The following ACP7 variants were observed in gnomAD, a reference collection of about 807,000 sequenced individuals.
ACP7 encodes the protein acid phosphatase 7, tartrate resistant (putative).
A neutral mutation model predicts 60.6 loss-of-function variants in ACP7; 58 were observed. That is an observed-to-expected ratio of 0.96 (90% CI 0.77 to 1.19). The LOEUF is 1.19. Ranked by LOEUF, ACP7 falls within the 50% of genes most tolerant of loss-of-function variation. The pLI is 0.00. For synonymous variants in ACP7, 237 were observed against 232.6 expected (o/e 1.02, Z -0.17); for missense variants, 574 against 596.2 (o/e 0.96, Z 0.39).
chr19:39,107,062 T>C lies in ACP7; in HGVS notation c.1229T>C (p.Ile410Thr). The change falls in exon 12 of 13, where the codon ATC becomes ACC. Residue 410 changes from isoleucine to threonine, a missense_variant. Physicochemically the swap from Ile to Thr is moderately conservative, Grantham distance 89. Coordinates refer to ENST00000331256, the MANE Select transcript of ACP7 (RefSeq NM_001004318.3). ...ATCCTCAACGGGACCCACATCCACA[T>C]CCAGCAGGTGTCGGACGACCAGGTC... is the stretch of plus-strand genomic sequence containing the variant. ...LHILNGTHIH[I>T]QQVSDDQDGK... 1.9e-6 allele frequency: 3 copies of C among 1,613,874 alleles called. No homozygotes were observed. The highest frequency in any genetic ancestry group is 2.5e-6 in the Non-Finnish European group (3 of 1,179,940).
intron 2 of ACP7, among the ~76,000 whole-genome samples, chr19:39,095,375 T>C (rs1031418711): frequency 2.8e-4 from 42 of 152,320 alleles, no homozygotes; most frequent in Middle Eastern, 3.4e-3. Context: ...ACAGGGCCCA[T>C]GCAAGTCCAA....
chr19:39,096,853 A>G (rs1470774724), intron 2 of ACP7, among the ~76,000 whole-genome samples: 3 of 152,084 alleles, frequency 2.0e-5, no homozygotes, highest in African/African-American at 7.2e-5. Flanking sequence ...CCAGGCTGGA[A>G]TGCAGTGGCG....
At position 39,100,885 on chromosome 19, in the gene ACP7, G is replaced by C. The variant is rs747720133; in HGVS notation, c.807+32G>C. On this transcript the variant is annotated intron_variant, in intron 7 of 12. Transcript: ENST00000331256. ...TGGGTGGAGGCCCCTATAGTCCCCT[G>C]GCCAGCCCCACCTCCCCCTCCACCC... 2.5e-6 allele frequency: 4 copies of C among 1,609,874 alleles called. No individual in the cohort carries two copies. The African/African-American group carries it at 5.4e-5, about 22-fold the overall frequency.
intron 2 of ACP7, 74 bp from the exon 3 acceptor site, chr19:39,098,384 T>G (rs2073294503): frequency 8.4e-7 from 1 of 1,190,264 alleles, no homozygotes; most frequent in Admixed American, 2.7e-5. Flanking sequence ...TCAACGCCCC[T>G]CACTTTTTCT....
rs368057885 is a variant in ACP7, at chr19:39,091,697, G to A, written c.121+6307G>A. ...GGCTGAGGTGGGTGGATCACTTGAG[G>A]TCAGGAGTTCAAGACCAGCCTGGCC... On this transcript the variant is annotated intron_variant, in intron 2 of 12. Transcript: ENST00000331256. Among the ~76,000 whole-genome samples, 36 of 152,168 alleles carry A rather than the reference G, an allele frequency of 2.4e-4. No homozygotes were observed. The East Asian group carries it at 6.8e-3, about 29-fold the overall frequency.
At chr19:39,089,832 C>T (rs138815888) in intron 2 of ACP7, among the ~76,000 whole-genome samples, 38 of 152,312 alleles carry the variant, frequency 2.5e-4, no homozygotes, top group Non-Finnish European at 2.8e-4. Flanking sequence ...CCCTTCTTGG[C>T]GCATGATACG....
rs200961259 is a variant in ACP7 at position 39,100,359 on chromosome 19, T to C, written c.629+9T>C. On this transcript the variant is annotated intron_variant, in intron 5 of 12. Transcript: ENST00000331256. ...AATCATGAAGAACGCTAGTGAGGAC[T>C]GAGGGTGGTGGCGGTGGGCGAGGGC... 6.5e-5 allele frequency: 105 copies of C among 1,613,784 alleles called. No individual in the cohort carries two copies. The African/African-American group carries it at 1.3e-3, about 20-fold the overall frequency.
intron 4 of ACP7, among the ~76,000 whole-genome samples, chr19:39,099,387 C>G (rs2073313351): frequency 6.6e-6 from 1 of 152,180 alleles, no homozygotes; most frequent in South Asian, 2.1e-4. Flanking sequence ...CAGGGGTTTT[C>G]CCCCGTATAT....
intron 2 of ACP7, among the ~76,000 whole-genome samples, chr19:39,089,226 G>C (rs1285462384): frequency 6.6e-6 from 1 of 151,906 alleles, no homozygotes; most frequent in African/African-American, 2.4e-5. Flanking sequence ...ACTGTACCCG[G>C]CCCCTAATTT....
chr19:39,087,818 G>A (rs981255587), intron 2 of ACP7, among the ~76,000 whole-genome samples: 3 of 151,696 alleles, frequency 2.0e-5, no homozygotes, highest in African/African-American at 2.4e-5. Flanking sequence ...ATTTTTAGTA[G>A]AGACGGGGTT....
rs1054981811 is a variant in ACP7 at position 39,105,176 on chromosome 19, C to T, written c.1114-1771C>T. Among the ~76,000 whole-genome samples, 7 of 151,476 alleles carry T rather than the reference C, an allele frequency of 4.6e-5. No individual in the cohort carries two copies. The East Asian group carries it at 1.2e-3, about 26-fold the overall frequency. ...GATTACAGGCTTACGTCACCACGCC[C>T]GGCTAATTATTGTATTTTTAGTAGA... On this transcript the variant is annotated intron_variant, in intron 11 of 12. Transcript: ENST00000331256.
At chr19:39,105,439 C>T (rs1453841957) in intron 11 of ACP7, among the ~76,000 whole-genome samples, 1 of 152,130 alleles carries the variant, frequency 6.6e-6, no homozygotes, top group East Asian at 1.9e-4. Flanking sequence ...GATGTCTGCT[C>T]ATGATTAGAT....
intron 2 of ACP7, among the ~76,000 whole-genome samples, chr19:39,085,935 G>T (rs1412659668): frequency 6.6e-6 from 1 of 152,162 alleles, no homozygotes; most frequent in African/African-American, 2.4e-5. Flanking sequence ...TGGGCAAGTG[G>T]CTTAACCTCT....
At chr19:39,091,437 A>C (rs1260141756) in intron 2 of ACP7, among the ~76,000 whole-genome samples, 1 of 152,054 alleles carries the variant, frequency 6.6e-6, no homozygotes, top group African/African-American at 2.4e-5. Flanking sequence ...CTGGGATTAC[A>C]GGCATGAGCC....
intron 2 of ACP7, among the ~76,000 whole-genome samples, chr19:39,086,531 G>A (rs2073142963): frequency 6.6e-6 from 1 of 151,214 alleles, no homozygotes; most frequent in South Asian, 2.1e-4. Context: ...TTGGGGAGCT[G>A]AGGCAAGAGG....
At chr19:39,084,549 A>T (rs1447195823) in intron 1 of ACP7, 149 bp downstream of exon 1, 1 of 151,244 alleles carries the variant, frequency 6.6e-6, no homozygotes, top group Non-Finnish European at 1.5e-5. Context: ...GACGCTGGGG[A>T]TGGGGAGAGA....
At chr19:39,104,511 C>T (rs560345084) in intron 11 of ACP7, among the ~76,000 whole-genome samples, 2 of 152,312 alleles carry the variant, frequency 1.3e-5, no homozygotes, top group East Asian at 1.9e-4. Flanking sequence ...TGGCTTCTCA[C>T]GGCCCTTGGC....
chr19:39,107,463 A>G (rs2073423383), intron 12 of ACP7, among the ~76,000 whole-genome samples: 1 of 151,440 alleles, frequency 6.6e-6, no homozygotes, highest in Non-Finnish European at 1.5e-5. Flanking sequence ...AGGTGCCTAT[A>G]GTCCCAGCTA....
At position 39,096,500 on chromosome 19, in the gene ACP7, T is replaced by C. The variant is rs558530667; in HGVS notation, c.122-1958T>C. On this transcript the variant is annotated intron_variant, in intron 2 of 12. Transcript: ENST00000331256. Reference sequence around the variant, plus strand: ...ATTATCAGTATTTTTGTCAAAGCCATTCAACAAGTCTCTAGGAAGTTCCAA... The same window carrying C: ...ATTATCAGTATTTTTGTCAAAGCCACTCAACAAGTCTCTAGGAAGTTCCAA... Among the ~76,000 whole-genome samples the C allele has an allele frequency of 2.0e-5, 3 of 152,314 alleles. No homozygotes were observed. The East Asian group carries it at 5.8e-4, about 29-fold the overall frequency.
Sources: gnomAD v4.1 joint callset for allele counts (sites outside exome capture counted in the v4.1 genomes callset) on GRCh38, gnomAD v4.1.1 for gene constraint, MANE v1.5 for transcripts, NCBI Gene and HGNC (gene_info 2026-07-23, HGNC 2026-07-21) for gene names.